SPN: variants seen among roughly 807,000 people sequenced by gnomAD.
SPN encodes sialophorin.
In SPN, 6 loss-of-function variants were observed where a neutral mutation model predicts 8.4. That is an observed-to-expected ratio of 0.72 (90% CI 0.39 to 1.42). SPN has a LOEUF of 1.42. SPN is among the 40% of genes most tolerant of loss of function. SPN has a pLI of 0.02. For synonymous variants in SPN, 201 were observed against 222.6 expected (o/e 0.90, Z 0.86); for missense variants, 517 against 530.6 (o/e 0.97, Z 0.25).
chr16:29,664,174 C>T lies in SPN; in HGVS notation c.446C>T (p.Ala149Val). ...GAAACCTCCAGTAGGACCAGTGGAG[C>T]CCCTGTTACCACGGCAGCTAGCTCT... is the stretch of plus-strand genomic sequence containing the variant. ...SPETSSRTSGAPVTTAASSLE... is the reference protein window; with the variant it reads ...SPETSSRTSGVPVTTAASSLE... The change falls in exon 2 of 2, where the codon GCC (alanine) becomes GTC (valine). Residue 149 changes from alanine (A) to valine (V), a missense_variant. Physicochemically the swap from Ala to Val is moderately conservative, Grantham distance 64 (BLOSUM62 0). Transcript: ENST00000652691. This position sits in a 1 kb window ranked among gnomAD's most constrained non-coding sequence, Gnocchi z 6.4. 1 of 1,613,954 alleles carries T rather than the reference C, an allele frequency of 6.2e-7. No individual in the cohort carries two copies. The highest frequency in any genetic ancestry group is 8.5e-7 in the Non-Finnish European group (1 of 1,179,978).
Position 29,667,026 on chromosome 16 carries a change from G to T in SPN, c.*2095G>T. 4.2e-6 allele frequency: 2 copies of T among 471,014 alleles called. No individual in the cohort carries two copies. The highest frequency in any genetic ancestry group is 3.1e-5 in the South Asian group (2 of 64,570). 29.2% of individuals were successfully genotyped at this position (471,014 alleles called of 1,614,324 possible). On this transcript the variant is annotated 3_prime_UTR_variant, in exon 2 of 2. Transcript: ENST00000652691. ...GGGCAGGAGATGGGGGAAAGGGTCA[G>T]GTGGGGGATGGGCTCGTGCAGTGGG...
chr16:29,666,546 ACACACACGCG>A lies in SPN; in HGVS notation c.*1617_*1626del, dbSNP rs1468081664. 104 of 194,208 alleles carry A rather than the reference ACACACACGCG, an allele frequency of 5.4e-4. 1 individual carries two copies. The highest frequency in any genetic ancestry group is 2.6e-3 in the African/African-American group (99 of 38,612). The allele number at this position is 194,208 out of a possible 1,614,324, so 12.0% of individuals were successfully genotyped here. ...CTCTCACACACACACACACACACAC[ACACACACGCG>A]CGCGCGCGCGCGCTCTCCTGCGAAC... On this transcript the variant is annotated 3_prime_UTR_variant, in exon 2 of 2. Transcript: ENST00000652691.
chr16:29,666,857 C>A lies in SPN; in HGVS notation c.*1926C>A. ...GCCCAGGAGCACACATGGGCCAGGG[C>A]AGTTGGTATTTCCCGAGGACAAAGA... On this transcript the variant is annotated 3_prime_UTR_variant, in exon 2 of 2. Transcript: ENST00000652691. 2.1e-6 allele frequency: 1 copy of A among 470,034 alleles called. No individual in the cohort carries two copies. Among genetic ancestry groups the A allele is most frequent in the Non-Finnish European group, 4.4e-6 (1 of 226,288 alleles). The allele number at this position is 470,034 out of a possible 1,614,324, so 29.1% of individuals were successfully genotyped here.
rs769903361 is a variant in SPN at position 29,664,827 on chromosome 16, C to G, written c.1099C>G (p.Pro367Ala). ...AMEELKSGSG[P>A]SLKGEEEPLV... is the part of the protein sequence containing the mutation. ...GGAGGAGCTGAAGTCTGGGTCAGGC[C>G]CCAGCCTCAAAGGGGAGGAGGAGCC... is the stretch of plus-strand genomic sequence containing the variant. Residue 367 changes from proline (P) to alanine (A), a missense_variant, in exon 2 of 2, where the codon CCC becomes GCC. By Grantham distance (27) the Pro-to-Ala change is conservative. Coordinates refer to ENST00000652691, the MANE Select transcript of SPN (RefSeq NM_003123.6). The surrounding 1 kb of genome is among the most constrained non-coding windows in gnomAD (Gnocchi z 6.4). The G allele has an allele frequency of 4.0e-6, 6 of 1,500,946 alleles. No homozygotes were observed. 93.0% of individuals were successfully genotyped at this position (1,500,946 alleles called of 1,614,324 possible).
At position 29,664,924 on chromosome 16, in the gene SPN, C is replaced by T; in HGVS notation, c.1196C>T (p.Ala399Val). 2 of 1,405,962 alleles carry T rather than the reference C, an allele frequency of 1.4e-6. No individual in the cohort carries two copies. Among genetic ancestry groups the T allele is most frequent in the Non-Finnish European group, 1.9e-6 (2 of 1,076,732 alleles). 87.1% of individuals were successfully genotyped at this position (1,405,962 alleles called of 1,614,324 possible). A position where few individuals can be genotyped will look rare whatever the true frequency, so the allele number is the denominator to read the frequency against. ...GAGCCCGAAGGGGGAGACGGGGCTG[C>T]CCCTTAAGTGTCGGTGAATAGTGAG... ...PDEPEGGDGA[A>V]P The change falls in exon 2 of 2, where the codon GCC becomes GTC. Residue 399 changes from alanine (A) to valine (V), a missense_variant. Transcript: ENST00000652691. This position sits in a 1 kb window ranked among gnomAD's most constrained non-coding sequence, Gnocchi z 6.4.
chr16:29,670,752 G>A lies in SPN; in HGVS notation c.*5821G>A, dbSNP rs1596776401. On this transcript the variant is annotated 3_prime_UTR_variant, in exon 2 of 2. Coordinates refer to ENST00000652691, the MANE Select transcript of SPN (RefSeq NM_003123.6). ...CTTATAGGGAAACAAAGGACCCATCGCAAATGTTTTCCATGCTGATCTCCA... is the reference window on the plus strand; with the variant it reads ...CTTATAGGGAAACAAAGGACCCATCACAAATGTTTTCCATGCTGATCTCCA... 3 of 455,820 alleles carry A rather than the reference G, an allele frequency of 6.6e-6. No individual in the cohort carries two copies. The highest frequency in any genetic ancestry group is 6.9e-5 in the East Asian group (1 of 14,408). 28.2% of individuals were successfully genotyped at this position (455,820 alleles called of 1,614,324 possible). A position where few individuals can be genotyped will look rare whatever the true frequency, so the allele number is the denominator to read the frequency against.
Position 29,663,816 on chromosome 16 carries a change from G to A in SPN, c.88G>A (p.Gly30Arg), listed in dbSNP as rs144554729. ...AACAGCAGTGCAGACACCCACCTCCGGAGAGCCTTTGGTCTCTACTAGCGA... is the reference window on the plus strand; with the variant it reads ...AACAGCAGTGCAGACACCCACCTCCAGAGAGCCTTTGGTCTCTACTAGCGA... ...STTAVQTPTS[G>R]EPLVSTSEPL... Residue 30 changes from glycine to arginine, a missense_variant, in exon 2 of 2, where the codon GGA becomes AGA. Gly to Arg is a moderately radical substitution (Grantham distance 125). Transcript: ENST00000652691. This position sits in a 1 kb window ranked among gnomAD's most constrained non-coding sequence, Gnocchi z 4.3. 2.2e-5 allele frequency: 36 copies of A among 1,614,032 alleles called. No homozygotes were observed. In the East Asian group the frequency reaches 2.9e-4, roughly 13 times the overall value.
In SPN at chr16:29,668,262, C is replaced by A. The variant is rs577327052; in HGVS notation, c.*3331C>A. ...TAGAGATGGGGTTTCACCATGTTGTCCCGGCTGGTCTCAAACTCCCGGGCA... is the reference window on the plus strand; with the variant it reads ...TAGAGATGGGGTTTCACCATGTTGTACCGGCTGGTCTCAAACTCCCGGGCA... On this transcript the variant is annotated 3_prime_UTR_variant, in exon 2 of 2. Transcript: ENST00000652691. The A allele has an allele frequency of 6.4e-6, 1 of 157,476 alleles. No individual in the cohort carries two copies. Among genetic ancestry groups the A allele is most frequent in the South Asian group, 2.1e-4 (1 of 4,820 alleles). 9.8% of individuals were successfully genotyped at this position (157,476 alleles called of 1,614,324 possible).
At position 29,668,176 on chromosome 16, in the gene SPN, T is replaced by A; in HGVS notation, c.*3245T>A. On this transcript the variant is annotated 3_prime_UTR_variant, in exon 2 of 2. Coordinates refer to ENST00000652691, the MANE Select transcript of SPN (RefSeq NM_003123.6). The stretch of plus-strand genomic sequence containing the variant: ...ACTGCTTGATTCCTTTCTTTAAAAA[T>A]TATTTTTATTGTTTTCTACATATGA... 6.0e-6 allele frequency: 1 copy of A among 166,924 alleles called. No individual in the cohort carries two copies. The allele number at this position is 166,924 out of a possible 1,614,324, so 10.3% of individuals were successfully genotyped here.
rs146011788 is a variant in SPN, at chr16:29,663,864, A to G, written c.136A>G (p.Thr46Ala). The G allele has an allele frequency of 2.8e-5, 46 of 1,614,046 alleles. No homozygotes were observed. The African/African-American group carries it at 4.9e-4, about 17-fold the overall frequency. ...CGAGCCCCTGAGCTCAAAGATGTAC[A>G]CCACTTCAATAACAAGTGACCCTAA... ...TSEPLSSKMY[T>A]TSITSDPKAD... Residue 46 changes from threonine (T) to alanine (A), a missense_variant, in exon 2 of 2, where the codon ACC (threonine) becomes GCC (alanine). By Grantham distance (58) the Thr-to-Ala change is moderately conservative (BLOSUM62 0). Transcript: ENST00000652691. The surrounding 1 kb of genome is among the most constrained non-coding windows in gnomAD (Gnocchi z 4.3).
chr16:29,663,607 C>CGTT lies in SPN; in HGVS notation c.-34-86_-34-84dup. 1 of 1,395,268 alleles carries CGTT rather than the reference C, an allele frequency of 7.2e-7. No individual in the cohort carries two copies. Among genetic ancestry groups the CGTT allele is most frequent in the Non-Finnish European group, 9.6e-7 (1 of 1,040,840 alleles). The allele number at this position is 1,395,268 out of a possible 1,614,324, so 86.4% of individuals were successfully genotyped here. A position where few individuals can be genotyped will look rare whatever the true frequency, so the allele number is the denominator to read the frequency against. On this transcript the variant is annotated intron_variant, in intron 1 of 1. Coordinates refer to ENST00000652691, the MANE Select transcript of SPN (RefSeq NM_003123.6). This position sits in a 1 kb window ranked among gnomAD's most constrained non-coding sequence, Gnocchi z 4.3. Reference sequence around the variant, plus strand: ...CGTTAAACCGCAGGTTGGGCCTGGCCGTTGGCAGGGAAGTGGGCAGAGGGG... The same window carrying CGTT: ...CGTTAAACCGCAGGTTGGGCCTGGCCGTTGTTGGCAGGGAAGTGGGCAGAGGGG...
In SPN at chr16:29,664,301, T is replaced by G. The variant is rs768509578; in HGVS notation, c.573T>G (p.Thr191=). 6 of 1,613,848 alleles carry G rather than the reference T, an allele frequency of 3.7e-6. No homozygotes were observed. Among genetic ancestry groups the G allele is most frequent in the Admixed American group, 3.3e-5 (2 of 59,986 alleles). ...GTSGPPVTMA[T]DSLETSTGTT... ...CTGGACCCCCTGTTACCATGGCAAC[T>G]GACTCTCTGGAGACCTCCACTGGGA... is the stretch of plus-strand genomic sequence containing the variant. Residue 191 remains threonine (T), a synonymous_variant, in exon 2 of 2, where the codon ACT becomes ACG. Transcript: ENST00000652691. The surrounding 1 kb of genome is among the most constrained non-coding windows in gnomAD (Gnocchi z 6.4).
rs1309220748 is a variant in SPN, at chr16:29,666,557, C to CGCGCGT, written c.*1631_*1632insTGCGCG. ...ACACACACACACACACACACACGCG[C>CGCGCGT]GCGCGCGCGCGCTCTCCTGCGAACA... On this transcript the variant is annotated 3_prime_UTR_variant, in exon 2 of 2. Coordinates refer to ENST00000652691, the MANE Select transcript of SPN (RefSeq NM_003123.6). 1 of 232,960 alleles carries CGCGCGT rather than the reference C, an allele frequency of 4.3e-6. No individual in the cohort carries two copies. The highest frequency in any genetic ancestry group is 8.9e-6 in the Non-Finnish European group (1 of 111,986). 14.4% of individuals were successfully genotyped at this position (232,960 alleles called of 1,614,324 possible).
chr16:29,664,820 G>A lies in SPN; in HGVS notation c.1092G>A (p.Gly364=), dbSNP rs36084120. The A allele has an allele frequency of 4.1e-4, 615 of 1,503,654 alleles. 2 individuals are homozygous for A. The African/African-American group carries it at 7.4e-3, about 18-fold the overall frequency. The allele number at this position is 1,503,654 out of a possible 1,614,324, so 93.1% of individuals were successfully genotyped here. A position where few individuals can be genotyped will look rare whatever the true frequency, so the allele number is the denominator to read the frequency against. The change falls in exon 2 of 2, where the codon GGG becomes GGA. Residue 364 remains glycine (G), a synonymous_variant. Coordinates refer to ENST00000652691, the MANE Select transcript of SPN (RefSeq NM_003123.6). This position sits in a 1 kb window ranked among gnomAD's most constrained non-coding sequence, Gnocchi z 6.4. ...GSLAMEELKS[G]SGPSLKGEEE... is the part of the protein sequence containing the mutation. ...TGGCGATGGAGGAGCTGAAGTCTGGGTCAGGCCCCAGCCTCAAAGGGGAGG... is the reference window on the plus strand; with the variant it reads ...TGGCGATGGAGGAGCTGAAGTCTGGATCAGGCCCCAGCCTCAAAGGGGAGG...
At position 29,670,831 on chromosome 16, in the gene SPN, C is replaced by T. The variant is rs867490668; in HGVS notation, c.*5900C>T. 12 of 450,732 alleles carry T rather than the reference C, an allele frequency of 2.7e-5. No individual in the cohort carries two copies. The highest frequency in any genetic ancestry group is 3.3e-4 in the Middle Eastern group (1 of 3,064). 27.9% of individuals were successfully genotyped at this position (450,732 alleles called of 1,614,324 possible). ...TTTGTTTATGCTCTTCTGTATTTTC[C>T]GAATTTCATACAATAAATATCTGTT... On this transcript the variant is annotated 3_prime_UTR_variant, in exon 2 of 2. Transcript: ENST00000652691.
Position 29,664,564 on chromosome 16 carries a change from G to T in SPN, c.836G>T (p.Arg279Leu). Residue 279 changes from arginine to leucine, a missense_variant, in exon 2 of 2, where the codon CGG becomes CTG. Transcript: ENST00000652691. This position sits in a 1 kb window ranked among gnomAD's most constrained non-coding sequence, Gnocchi z 6.4. ...GTGGCTCTGCTCCTGCTGTGGCGCCGGCGGCAGAAGCGGCGGACTGGGGCC... is the reference window on the plus strand; with the variant it reads ...GTGGCTCTGCTCCTGCTGTGGCGCCTGCGGCAGAAGCGGCGGACTGGGGCC... ...VLVALLLLWRRRQKRRTGALV... is the reference protein window; with the variant it reads ...VLVALLLLWRLRQKRRTGALV... The T allele has an allele frequency of 6.2e-7, 1 of 1,613,020 alleles. No homozygotes were observed. The highest frequency in any genetic ancestry group is 8.5e-7 in the Non-Finnish European group (1 of 1,179,656).
rs762892695 is a variant in SPN at position 29,664,420 on chromosome 16, T to C, written c.692T>C (p.Met231Thr). The C allele has an allele frequency of 2.5e-6, 4 of 1,614,138 alleles. No homozygotes were observed. Among genetic ancestry groups the C allele is most frequent in the East Asian group, 2.2e-5 (1 of 44,866 alleles). The change falls in exon 2 of 2, where the codon ATG becomes ACG. Residue 231 changes from methionine to threonine, a missense_variant. By Grantham distance (81) the Met-to-Thr change is moderately conservative (BLOSUM62 -1). Transcript: ENST00000652691. The surrounding 1 kb of genome is among the most constrained non-coding windows in gnomAD (Gnocchi z 6.4). ...GTCTCTAGCGTAAAACTATCTACAA[T>C]GATGTCTCCAACGACCTCCACCAAC... is the stretch of plus-strand genomic sequence containing the variant. The part of the protein sequence containing the change: ...PQVSSVKLST[M>T]MSPTTSTNAS...
rs528010930 is a variant in SPN, at chr16:29,665,345, C to A, written c.*414C>A. The stretch of plus-strand genomic sequence containing the variant: ...TGCTGAGATTACAGACATGAGCCTC[C>A]GCGCCTTGCCTCCTCACCCACCTCT... On this transcript the variant is annotated 3_prime_UTR_variant, in exon 2 of 2. Coordinates refer to ENST00000652691, the MANE Select transcript of SPN (RefSeq NM_003123.6). 178 of 169,104 alleles carry A rather than the reference C, an allele frequency of 1.1e-3. 1 individual carries two copies. The Middle Eastern group carries it at 0.041, about 39-fold the overall frequency. The allele number at this position is 169,104 out of a possible 1,614,324, so 10.5% of individuals were successfully genotyped here.
Position 29,667,428 on chromosome 16 carries a change from G to A in SPN, c.*2497G>A. ...TGAAAAAAAGAGGTAGTACGGGTAA[G>A]GAAGGCACCCAACAGGGCTTTCACA... On this transcript the variant is annotated 3_prime_UTR_variant, in exon 2 of 2. Coordinates refer to ENST00000652691, the MANE Select transcript of SPN (RefSeq NM_003123.6). 1 of 188,500 alleles carries A rather than the reference G, an allele frequency of 5.3e-6. No individual in the cohort carries two copies. Among genetic ancestry groups the A allele is most frequent in the Admixed American group, 5.7e-5 (1 of 17,688 alleles). The allele number at this position is 188,500 out of a possible 1,614,324, so 11.7% of individuals were successfully genotyped here.
Sources: gnomAD v4.1 joint callset for allele counts on GRCh38, gnomAD v4.1.1 for gene constraint, Gnocchi (gnomAD v3.1) non-coding constraint, MANE v1.5 for transcripts, NCBI Gene and HGNC (gene_info 2026-07-23, HGNC 2026-07-21) for gene names.